The following FRMPD1 variants were observed in gnomAD, a reference collection of about 807,000 sequenced individuals.
FRMPD1 encodes FERM and PDZ domain-containing protein 1.
Under a neutral mutation model 117.8 loss-of-function variants are expected in FRMPD1, and 76 were observed. The observed-to-expected ratio is 0.65, with a 90% CI of 0.54 to 0.78. The LOEUF (loss-of-function observed/expected upper bound fraction) is 0.78, where lower values mean the gene tolerates loss of function less well. Among genes scored for constraint, FRMPD1 ranks in the 30% least tolerant of loss-of-function variants. The pLI is 0.00. For synonymous variants in FRMPD1, 783 were observed against 770.4 expected (o/e 1.02, Z -0.27); for missense variants, 1,786 against 1,964.5 (o/e 0.91, Z 1.72).
At chr9:37,719,041 C>T in intron 5 of FRMPD1, 28 bp from the exon 6 acceptor site, 1 of 1,364,264 alleles carries the variant, frequency 7.3e-7, no homozygotes, top group Non-Finnish European at 1.1e-6. Context: ...AGCACTGTTC[C>T]AAAATGCATC....
intron 7 of FRMPD1, among the ~76,000 whole-genome samples, chr9:37,728,835 C>T (rs1346127708): frequency 6.6e-6 from 1 of 151,664 alleles, no homozygotes; most frequent in Non-Finnish European, 1.5e-5. Flanking sequence ...TGGTGGCGCA[C>T]ACCTGTAATC....
At chr9:37,607,132 T>C in the FRMPD1 span, among the ~76,000 whole-genome samples, 649 of 152,114 alleles carry the variant, frequency 4.3e-3, 8 homozygotes, top group South Asian at 0.022. Flanking sequence ...CTGGCCAACG[T>C]GGAGAAATCC....
At chr9:37,650,337 C>T (rs1197642736), upstream of FRMPD1, among the ~76,000 whole-genome samples, 1 of 152,130 alleles carries the variant, frequency 6.6e-6, no homozygotes, top group African/African-American at 2.4e-5. Context: ...TTTAGAGCTT[C>T]TGGTTTGAGG....
chr9:37,744,377 C>T lies in FRMPD1; in HGVS notation c.2357-12C>T, dbSNP rs1159285763. 1.9e-6 allele frequency: 3 copies of T among 1,554,644 alleles called. No homozygotes were observed. Among genetic ancestry groups the T allele is most frequent in the Admixed American group, 2.0e-5 (1 of 49,290 alleles). ...GTGCTTTTTAATGTATTTTTTCTTT[C>T]CTGACTCCCAGGGCCCAGAGATGTT... On this transcript the variant is annotated splice_polypyrimidine_tract_variant and intron_variant, in intron 15 of 15. Transcript: ENST00000377765.
chr9:37,720,309 G>A (rs1016488754), intron 6 of FRMPD1, among the ~76,000 whole-genome samples: 8 of 152,192 alleles, frequency 5.3e-5, no homozygotes, highest in Admixed American at 3.3e-4. Context: ...TGCTGGGCGC[G>A]GTGGCTCACG....
Position 37,709,875 on chromosome 9 carries a change from T to C in FRMPD1, c.362+1374T>C, listed in dbSNP as rs550714899. Among the ~76,000 whole-genome samples the C allele has an allele frequency of 4.6e-5, 7 of 152,284 alleles. No individual in the cohort carries two copies. In the South Asian group the frequency reaches 1.5e-3, roughly 32 times the overall value. ...CCAGCACAGCATGTTTCAGTGTGAT[T>C]CTCCCCCTGGAAGGGCGAGCAGTTG... On this transcript the variant is annotated intron_variant, in intron 4 of 15. Transcript: ENST00000377765.
rs74530948 is a variant in FRMPD1 at position 37,664,301 on chromosome 9, G to T, written c.-5+13207G>T. ...GACATTTATGTATGTATGTATGTAT[G>T]TATGTATTTATTTATTTATTTTTAC... On this transcript the variant is annotated intron_variant, in intron 1 of 15. Transcript: ENST00000377765. Among the ~76,000 whole-genome samples, 565 of 151,108 alleles carry T rather than the reference G, an allele frequency of 3.7e-3. 9 individuals are homozygous for T. Among genetic ancestry groups the T allele is most frequent in the African/African-American group, 0.012 (507 of 40,822 alleles).
chr9:37,681,762 T>C (rs897939736), intron 1 of FRMPD1, among the ~76,000 whole-genome samples: 1 of 152,236 alleles, frequency 6.6e-6, no homozygotes, highest in Non-Finnish European at 1.5e-5. Context: ...CAAATCTCGA[T>C]TGAGCTGAAG....
At chr9:37,683,496 A>G (rs1409982164) in intron 1 of FRMPD1, among the ~76,000 whole-genome samples, 1 of 151,940 alleles carries the variant, frequency 6.6e-6, no homozygotes, top group Non-Finnish European at 1.5e-5. Flanking sequence ...GTGCAAATCC[A>G]GTACACTACT....
At position 37,739,044 on chromosome 9, in the gene FRMPD1, C is replaced by T. The variant is rs112779063; in HGVS notation, c.1550-1034C>T. On this transcript the variant is annotated intron_variant, in intron 14 of 15. Coordinates refer to ENST00000377765, the MANE Select transcript of FRMPD1 (RefSeq NM_014907.3). ...GTGAAAAGAGATAGGAGCCCCACCA[C>T]GAGAAGGGCAGCTAGACTACAGAGG... 4.9e-3 allele frequency among the ~76,000 whole-genome samples: 738 copies of T among 152,144 alleles called. 4 individuals are homozygous for T. Among genetic ancestry groups the T allele is most frequent in the African/African-American group, 0.017 (697 of 41,506 alleles).
In FRMPD1 at chr9:37,746,708, C is replaced by A. The variant is rs367776379; in HGVS notation, c.4676C>A (p.Thr1559Lys). 3.7e-6 allele frequency: 6 copies of A among 1,613,886 alleles called. No homozygotes were observed. Among genetic ancestry groups the A allele is most frequent in the African/African-American group, 2.7e-5 (2 of 74,950 alleles). Residue 1559 changes from threonine to lysine, a missense_variant, in exon 16 of 16, where the codon ACG (threonine) becomes AAG (lysine). Physicochemically the swap from Thr to Lys is moderately conservative, Grantham distance 78 (BLOSUM62 -1). Transcript: ENST00000377765. ...GTGAAACTCCTGGCCCGTCAGTGCA[C>A]GGCCCTCACGGCCGCCGTGTTCTGT... ...LSVKLLARQC[T>K]ALTAAVFCLT...
chr9:37,673,041 T>C (rs1244062694), intron 1 of FRMPD1, among the ~76,000 whole-genome samples: 1 of 152,148 alleles, frequency 6.6e-6, no homozygotes. Flanking sequence ...AATCATGCCT[T>C]CCCAATAGTT....
chr9:37,733,138 G>C (rs1465532812), intron 10 of FRMPD1, among the ~76,000 whole-genome samples: 1 of 152,138 alleles, frequency 6.6e-6, no homozygotes, highest in South Asian at 2.1e-4. Context: ...CCCCATGAGA[G>C]TGTCTTGTAC....
At chr9:37,676,432 A>T (rs980228311) in intron 1 of FRMPD1, among the ~76,000 whole-genome samples, 1 of 152,172 alleles carries the variant, frequency 6.6e-6, no homozygotes, top group Non-Finnish European at 1.5e-5. Flanking sequence ...GACAGAGGGC[A>T]GAATGCTTAA....
chr9:37,680,866 G>A (rs1821704116), intron 1 of FRMPD1, among the ~76,000 whole-genome samples: 1 of 152,124 alleles, frequency 6.6e-6, no homozygotes, highest in Non-Finnish European at 1.5e-5. Flanking sequence ...AGGGAAGATG[G>A]AGGAGGAAGA....
chr9:37,716,184 A>G (rs1037972040), intron 5 of FRMPD1, among the ~76,000 whole-genome samples: 18 of 152,328 alleles, frequency 1.2e-4, no homozygotes, highest in Admixed American at 1.0e-3. Flanking sequence ...CGCAGGCTCA[A>G]TCACACTGTC....
chr9:37,649,962 G>A (rs1820615742), upstream of FRMPD1, among the ~76,000 whole-genome samples: 1 of 152,154 alleles, frequency 6.6e-6, no homozygotes. Flanking sequence ...GGCCTTTCAG[G>A]TTTCCATTTA....
chr9:37,717,193 A>G (rs1229722932), intron 5 of FRMPD1, among the ~76,000 whole-genome samples: 1 of 152,020 alleles, frequency 6.6e-6, no homozygotes, highest in Non-Finnish European at 1.5e-5. Context: ...AGGAAAAATG[A>G]ACTTGATTGG....
intron 2 of FRMPD1, among the ~76,000 whole-genome samples, chr9:37,704,305 CTCA>C (rs936085519): frequency 2.0e-5 from 3 of 152,230 alleles, no homozygotes; most frequent in Non-Finnish European, 2.9e-5. Context: ...TGCAAAATCT[CTCA>C]TCAATAATTT....
Sources: allele counts gnomAD v4.1 joint callset (sites outside exome capture counted in the v4.1 genomes callset), GRCh38; gene constraint gnomAD v4.1.1; transcripts MANE v1.5; gene names NCBI Gene and HGNC (gene_info 2026-07-23, HGNC 2026-07-21).